CD177: variants seen among roughly 807,000 people sequenced by gnomAD.
The protein encoded by CD177 is CD177 antigen.
In CD177, 41 loss-of-function variants were observed where a neutral mutation model predicts 38.1. That is an observed-to-expected ratio of 1.07 (90% CI 0.84 to 1.39). The LOEUF is 1.39. CD177 is among the 40% of genes most tolerant of loss of function. The pLI is 0.00. For synonymous variants in CD177, 236 were observed against 216.7 expected (o/e 1.09, Z -0.78); for missense variants, 619 against 523.8 (o/e 1.18, Z -1.77).
intron 5 of CD177, among the ~76,000 whole-genome samples, chr19:43,359,698 T>G (rs1969933414): frequency 2.1e-5 from 1 of 48,370 alleles, no homozygotes; most frequent in African/African-American, 9.3e-5. Context: ...AATGAGGGTG[T>G]TGATTGTGAT....
At chr19:43,362,017 C>A (rs1406130315) in intron 8 of CD177, 71 bp from the exon 9 acceptor site, 1 of 1,351,534 alleles carries the variant, frequency 7.4e-7, no homozygotes, top group African/African-American at 1.4e-5. Flanking sequence ...GGTCTGGGGC[C>A]TGGACTCCTG....
chr19:43,353,862 C>T lies in CD177; in HGVS notation c.62C>T (p.Ala21Val), dbSNP rs1393440995. ...GCTCTTGCCACTCCAGGAGTGCAGG[C>T]GCTGCTCTGCCAGTTTGGGACAGTT... ...GFILPLPGVQ[A>V]LLCQFGTVQH... The change falls in exon 2 of 9, where the codon GCG becomes GTG. Residue 21 changes from alanine (A) to valine (V), a missense_variant. Coordinates refer to ENST00000618265, the MANE Select transcript of CD177 (RefSeq NM_020406.4). 5.0e-6 allele frequency: 8 copies of T among 1,613,738 alleles called. No individual in the cohort carries two copies. The Admixed American group carries it at 8.3e-5, about 17-fold the overall frequency.
downstream of CD177, among the ~76,000 whole-genome samples, chr19:43,364,248 C>A (rs1970011363): frequency 6.6e-6 from 1 of 152,204 alleles, no homozygotes. Flanking sequence ...AGATGGCTTC[C>A]AATACAGCTG....
chr19:43,359,712 A>G (rs1285893704), intron 5 of CD177, among the ~76,000 whole-genome samples: 1 of 56,616 alleles, frequency 1.8e-5, no homozygotes, highest in African/African-American at 7.8e-5. Flanking sequence ...TTGTGATCAC[A>G]CCACCTACTG....
At position 43,359,950 on chromosome 19, in the gene CD177, T is replaced by C. The variant is rs192050658; in HGVS notation, c.620-315T>C. ...CTTCCTTATTATTGAAATGAGGACC[T>C]TAAAGCTCAGATGGGGAAGCAGAGA... On this transcript the variant is annotated intron_variant, in intron 5 of 8. Coordinates refer to ENST00000618265, the MANE Select transcript of CD177 (RefSeq NM_020406.4). 6.5e-4 allele frequency among the ~76,000 whole-genome samples: 98 copies of C among 150,598 alleles called. 1 individual carries two copies. The highest frequency in any genetic ancestry group is 2.3e-3 in the African/African-American group (95 of 40,818).
Position 43,353,765 on chromosome 19 carries a change from A to G in CD177, c.51A>G (p.Pro17=). 1 of 1,613,932 alleles carries G rather than the reference A, an allele frequency of 6.2e-7. No individual in the cohort carries two copies. The highest frequency in any genetic ancestry group is 8.5e-7 in the Non-Finnish European group (1 of 1,179,856). Residue 17 remains proline, a splice_region_variant and synonymous_variant, in exon 1 of 9, where the codon CCA becomes CCG. Transcript: ENST00000618265. ...LALLGFILPL[P]GVQALLCQFG... is the part of the protein sequence containing the mutation. ...TCCTGGGGTTCATCCTCCCACTGCCAGGTGAGTGATGAGCCCAGCCTGGAG... is the reference window on the plus strand; with the variant it reads ...TCCTGGGGTTCATCCTCCCACTGCCGGGTGAGTGATGAGCCCAGCCTGGAG...
rs1969886236 is a variant in CD177 at position 43,354,229 on chromosome 19, C to T, written c.216C>T (p.Leu72=). The T allele has an allele frequency of 1.9e-6, 3 of 1,613,382 alleles. No homozygotes were observed. The highest frequency in any genetic ancestry group is 4.5e-5 in the East Asian group (2 of 44,864). Reference sequence around the variant, plus strand: ...CAGGACCCCAAGTGAGCCTGGTGCTCTCCAAGGGCTGCACGGAGGCCAAGG... The same window carrying T: ...CAGGACCCCAAGTGAGCCTGGTGCTTTCCAAGGGCTGCACGGAGGCCAAGG... ...IESGPQVSLV[L]SKGCTEAKDQ... The change falls in exon 3 of 9, where the codon CTC becomes CTT. Residue 72 remains leucine (L), a synonymous_variant. Transcript: ENST00000618265.
intron 6 of CD177, 156 bp from the exon 7 acceptor site, chr19:43,360,987 C>T (rs1340164845): frequency 1.3e-5 from 8 of 615,508 alleles, no homozygotes; most frequent in Middle Eastern, 8.7e-4. Flanking sequence ...CCCCAGCCTC[C>T]GTCTTTGCCC....
chr19:43,361,456 C>T lies in CD177; in HGVS notation c.958C>T (p.Pro320Ser). The T allele has an allele frequency of 6.3e-7, 1 of 1,584,290 alleles. No homozygotes were observed. The highest frequency in any genetic ancestry group is 2.2e-5 in the East Asian group (1 of 44,750). ...CCTCTGCTCCCCAGCTGCCCCTGTC[C>T]CAGGAGACCGGCAGTGTCCTACCTG... is the stretch of plus-strand genomic sequence containing the variant. ...NSLPPQAAPV[P>S]GDRQCPTCVQ... The change falls in exon 8 of 9, where the codon CCA becomes TCA. Residue 320 changes from proline (P) to serine (S), a missense_variant. Pro to Ser is a moderately conservative substitution (Grantham distance 74, BLOSUM62 -1). Coordinates refer to ENST00000618265, the MANE Select transcript of CD177 (RefSeq NM_020406.4).
At chr19:43,355,390 G>T (rs966934002) in intron 3 of CD177, 11 of 433,444 alleles carry the variant, frequency 2.5e-5, no homozygotes, top group Non-Finnish European at 4.6e-5. Context: ...GGGATTACAG[G>T]TGTGAGTCAC....
chr19:43,354,170 G>A (rs374366448), intron 2 of CD177, 37 bp from the exon 3 acceptor site: 6 of 1,595,608 alleles, frequency 3.8e-6, no homozygotes, highest in Non-Finnish European at 4.3e-6. Context: ...CTGGAGGCCT[G>A]ACCTCCATCC....
Position 43,353,902 on chromosome 19 carries a change from G to C in CD177, c.102G>C (p.Lys34Asn). The change falls in exon 2 of 9, where the codon AAG becomes AAC. Residue 34 changes from lysine to asparagine, a missense_variant. Coordinates refer to ENST00000618265, the MANE Select transcript of CD177 (RefSeq NM_020406.4). ...TTGGGACAGTTCAGCATGTGTGGAA[G>C]GTGTCCGACCTGCCCCGGCAATGGA... ...CQFGTVQHVW[K>N]VSDLPRQWTP... The C allele has an allele frequency of 6.2e-7, 1 of 1,613,898 alleles. No individual in the cohort carries two copies. The highest frequency in any genetic ancestry group is 8.5e-7 in the Non-Finnish European group (1 of 1,179,858).
In CD177 at chr19:43,362,228, G is replaced by A; in HGVS notation, c.1222G>A (p.Gly408Ser). 1.2e-6 allele frequency: 2 copies of A among 1,612,216 alleles called. No individual in the cohort carries two copies. The highest frequency in any genetic ancestry group is 1.3e-5 in the African/African-American group (1 of 75,002). ...GCCTCCTGCCTCTCAGCATGAGGGA[G>A]GTGGGGCTGAGGGCCTGGAGTCTCT... is the stretch of plus-strand genomic sequence containing the variant. ...VQPPASQHEG[G>S]GAEGLESLTW... Residue 408 changes from glycine (G) to serine (S), a missense_variant, in exon 9 of 9, where the codon GGT becomes AGT. Gly to Ser is a moderately conservative substitution (Grantham distance 56). Coordinates refer to ENST00000618265, the MANE Select transcript of CD177 (RefSeq NM_020406.4).
chr19:43,355,145 G>A (rs1182881928), intron 3 of CD177, among the ~76,000 whole-genome samples: 6 of 123,786 alleles, frequency 4.8e-5, no homozygotes, highest in Non-Finnish European at 9.5e-5. Flanking sequence ...AAAGCGTCTC[G>A]CTGTGTCGAC....
downstream of CD177, among the ~76,000 whole-genome samples, chr19:43,364,001 G>C (rs1463176609): frequency 6.6e-6 from 1 of 152,218 alleles, no homozygotes; most frequent in Non-Finnish European, 1.5e-5. Context: ...TCAGAAGGCT[G>C]AGTCCAGGAG....
At chr19:43,363,300 G>A (rs1183372397), downstream of CD177, 1 of 152,134 alleles carries the variant, frequency 6.6e-6, no homozygotes, top group Non-Finnish European at 1.5e-5. Context: ...TCCCAGAGCT[G>A]TTATCATTGG....
At chr19:43,355,411 C>T in intron 3 of CD177, 1 of 472,788 alleles carries the variant, frequency 2.1e-6, no homozygotes. Context: ...CACACCCAGC[C>T]AAGACCACTT....
In CD177 at chr19:43,363,065, G is replaced by T. The variant is rs1248296882; in HGVS notation, c.*745G>T. On this transcript the variant is annotated 3_prime_UTR_variant, in exon 9 of 9. Coordinates refer to ENST00000618265, the MANE Select transcript of CD177 (RefSeq NM_020406.4). ...CTACAAGCCTGCAGTGCATGTTATG[G>T]TGTGAATACTGCAGGCAATCTTAAC... The T allele has an allele frequency of 6.6e-6, 1 of 152,202 alleles. No homozygotes were observed. The highest frequency in any genetic ancestry group is 1.5e-5 in the Non-Finnish European group (1 of 68,060). 9.4% of individuals were successfully genotyped at this position (152,202 alleles called of 1,614,324 possible). A position where few individuals can be genotyped will look rare whatever the true frequency, so the allele number is the denominator to read the frequency against.
At position 43,361,173 on chromosome 19, in the gene CD177, G is replaced by A. The variant is rs200006364; in HGVS notation, c.791G>A (p.Gly264Asp). Residue 264 changes from glycine (G) to aspartate (D), a missense_variant, in exon 7 of 9, where the codon GGC becomes GAC. Gly to Asp is a moderately conservative substitution (Grantham distance 94). Coordinates refer to ENST00000618265, the MANE Select transcript of CD177 (RefSeq NM_020406.4). ...ACATCAACCCTGGTGGGGACAAAAG[G>A]CTGCAGCACTGTTGGGGCTCAAAAT... is the stretch of plus-strand genomic sequence containing the variant. ...GLTSTLVGTK[G>D]CSTVGAQNSQ... The A allele has an allele frequency of 7.8e-6, 12 of 1,547,378 alleles. No individual in the cohort carries two copies. In the South Asian group the frequency reaches 1.1e-4, roughly 14 times the overall value.
Sources: allele counts gnomAD v4.1 joint callset (sites outside exome capture counted in the v4.1 genomes callset), GRCh38; gene constraint gnomAD v4.1.1; transcripts MANE v1.5; gene names NCBI Gene and HGNC (gene_info 2026-07-23, HGNC 2026-07-21).